The following TEP1 variants were observed in gnomAD, a reference collection of about 807,000 sequenced individuals.
TEP1 encodes telomerase associated protein 1.
Under a neutral mutation model 306.3 loss-of-function variants are expected in TEP1, and 241 were observed. That is an observed-to-expected ratio of 0.79 (90% CI 0.71 to 0.88). The LOEUF is 0.88. Ranked by LOEUF, TEP1 falls within the 40% of genes least tolerant of loss-of-function variation. The pLI is 0.00. For missense variants in TEP1, 3,051 were observed against 3,276.1 expected, an observed-to-expected ratio of 0.93 and a Z score of 1.68; for synonymous variants, 1,289 against 1,305.5, an observed-to-expected ratio of 0.99 and a Z score of 0.27.
intron 3 of TEP1, among the ~76,000 whole-genome samples, chr14:20,405,833 G>A (rs980788709): frequency 1.1e-4 from 17 of 152,170 alleles, no homozygotes; most frequent in African/African-American, 4.1e-4. Context: ...GGCCAACATG[G>A]CGAAATCCCA....
Position 20,372,670 on chromosome 14 carries a change from G to T in TEP1, c.7076+63C>A, listed in dbSNP as rs1021191343. ...TCAGAAGCAGAAGTGCAGTAATTTGGGTAAAATGCCAGGAGTGAGGAGACT... is the reference window on the plus strand; with the variant it reads ...TCAGAAGCAGAAGTGCAGTAATTTGTGTAAAATGCCAGGAGTGAGGAGACT... On this transcript the variant is annotated intron_variant, in intron 49 of 54. Coordinates refer to ENST00000262715, the MANE Select transcript of TEP1 (RefSeq NM_007110.5). The T allele has an allele frequency of 6.8e-6, 11 of 1,608,722 alleles. No homozygotes were observed. The East Asian group carries it at 2.2e-4, about 33-fold the overall frequency.
intron 54 of TEP1, 76 bp downstream of exon 54, chr14:20,368,721 TG>T (rs1216890452): frequency 6.5e-7 from 1 of 1,539,564 alleles, no homozygotes; most frequent in Non-Finnish European, 8.9e-7. Context: ...ACTCTAAGTT[TG>T]CTGTCTTGTG....
rs201340597 is a variant in TEP1 at position 20,391,671 on chromosome 14, T to C, written c.2025A>G (p.Pro675=). The C allele has an allele frequency of 1.7e-5, 28 of 1,614,094 alleles. No individual in the cohort carries two copies. Among genetic ancestry groups the C allele is most frequent in the Non-Finnish European group, 2.3e-5 (27 of 1,180,048 alleles). ...LSVKHSLPLL[P]GRTVLVYLTD... is the part of the protein sequence containing the mutation. The stretch of plus-strand genomic sequence containing the variant: ...TCAGATAGACCAAGACAGTGCGGCC[T>C]GGCAGCAGGGGCAGGCTGTGCTTCA... Residue 675 remains proline, a synonymous_variant, in exon 13 of 55, where the codon CCA becomes CCG. Transcript: ENST00000262715.
chr14:20,373,604 A>G, intron 45 of TEP1, 21 bp from the exon 46 acceptor site: 3 of 1,614,200 alleles, frequency 1.9e-6, no homozygotes, highest in Non-Finnish European at 2.5e-6. Flanking sequence ...ACAGAGACTG[A>G]GTCAGAAGAA....
chr14:20,389,538 C>T (rs1456964548), intron 16 of TEP1, 72 bp downstream of exon 16: 2 of 1,587,578 alleles, frequency 1.3e-6, no homozygotes, highest in Non-Finnish European at 1.7e-6. Context: ...GTGTCCTATG[C>T]TTTGGCAGGC....
At position 20,378,520 on chromosome 14, in the gene TEP1, G is replaced by A. The variant is rs373543585; in HGVS notation, c.5368C>T (p.Arg1790Cys). Residue 1790 changes from arginine (R) to cysteine (C), a missense_variant, in exon 38 of 55, where the codon CGT (arginine) becomes TGT (cysteine). Coordinates refer to ENST00000262715, the MANE Select transcript of TEP1 (RefSeq NM_007110.5). ...GGCLKLWDTV[R>C]GQLAFQHTYP... ...GTGTGCTGGAAGGCCAGCTGCCCACGGACTGTGTCCCACAGCTGAGGGAGA... is the reference window on the plus strand; with the variant it reads ...GTGTGCTGGAAGGCCAGCTGCCCACAGACTGTGTCCCACAGCTGAGGGAGA... 3.2e-5 allele frequency: 51 copies of A among 1,614,072 alleles called. No homozygotes were observed. The African/African-American group carries it at 3.9e-4, about 12-fold the overall frequency.
intron 43 of TEP1, 107 bp from the exon 44 acceptor site, chr14:20,374,643 G>T: frequency 1.5e-6 from 1 of 646,660 alleles, no homozygotes; most frequent in Non-Finnish European, 2.6e-6. Flanking sequence ...TAAGGGCCTG[G>T]GTTCTCCTGG....
At position 20,401,017 on chromosome 14, in the gene TEP1, C is replaced by T. The variant is rs1321807713; in HGVS notation, c.1516G>A (p.Gly506Arg). The T allele has an allele frequency of 3.1e-6, 5 of 1,614,058 alleles. No individual in the cohort carries two copies. The Admixed American group carries it at 8.3e-5, about 27-fold the overall frequency. The change falls in exon 9 of 55, where the codon GGG becomes AGG. Residue 506 changes from glycine (G) to arginine (R), a missense_variant. This residue lies in a region of TEP1 where 1,507 missense variants were observed against 1,550.5 expected (regional missense o/e 0.97). Coordinates refer to ENST00000262715, the MANE Select transcript of TEP1 (RefSeq NM_007110.5). ...ETWERELSLRGNKASVWEELI... is the reference protein window; with the variant it reads ...ETWERELSLRRNKASVWEELI... ...TCCTCCCAGACCGACGCTTTGTTCC[C>T]CCGTAGGCTCAGCTCCCGCTCCCAG...
At chr14:20,389,472 C>T (rs533292048) in intron 16 of TEP1, 138 bp downstream of exon 16, 1 of 1,462,110 alleles carries the variant, frequency 6.8e-7, no homozygotes, top group South Asian at 1.3e-5. Context: ...AAAGTATCCA[C>T]CTGAAGTGCA....
At chr14:20,379,554 C>T (rs973352648) in intron 35 of TEP1, among the ~76,000 whole-genome samples, 1 of 152,222 alleles carries the variant, frequency 6.6e-6, no homozygotes, top group Non-Finnish European at 1.5e-5. Flanking sequence ...ACAAGAGTGC[C>T]TGCCCTTCTC....
In TEP1 at chr14:20,371,637, C is replaced by T. The variant is rs572227783; in HGVS notation, c.7077-5G>A. ...AGAATTCGGTTCAGGTGAAGACTAG[C>T]TCAAAAAAGTACATGGACAGAGAAA... On this transcript the variant is annotated splice_region_variant and splice_polypyrimidine_tract_variant and intron_variant, in intron 49 of 54. Coordinates refer to ENST00000262715, the MANE Select transcript of TEP1 (RefSeq NM_007110.5). 53 of 1,566,376 alleles carry T rather than the reference C, an allele frequency of 3.4e-5. 1 individual carries two copies. Among genetic ancestry groups the T allele is most frequent in the South Asian group, 1.9e-4 (16 of 82,516 alleles).
chr14:20,410,802 GTT>G (rs61662364), intron 1 of TEP1, among the ~76,000 whole-genome samples: 68 of 25,190 alleles, frequency 2.7e-3, no homozygotes, highest in African/African-American at 6.4e-3. Flanking sequence ...CTCCTTTGTG[GTT>G]TTTTTTTTTT....
intron 41 of TEP1, 54 bp downstream of exon 41, chr14:20,377,226 A>AC: frequency 1.4e-6 from 2 of 1,446,370 alleles, no homozygotes; most frequent in Admixed American, 2.3e-5. Flanking sequence ...AAAAAAAAAA[A>AC]AAAGAAAAGA....
At position 20,368,389 on chromosome 14, in the gene TEP1, T is replaced by A; in HGVS notation, c.*48A>T. 1.3e-6 allele frequency: 2 copies of A among 1,593,444 alleles called. No homozygotes were observed. Among genetic ancestry groups the A allele is most frequent in the Non-Finnish European group, 1.7e-6 (2 of 1,163,674 alleles). On this transcript the variant is annotated 3_prime_UTR_variant, in exon 55 of 55. Transcript: ENST00000262715. Reference sequence around the variant, plus strand: ...TTAAAAGCTACCAGTGTCTTCAGGCTTTGCATCTCTAGCACAAGGGGTATC... The same window carrying A: ...TTAAAAGCTACCAGTGTCTTCAGGCATTGCATCTCTAGCACAAGGGGTATC...
rs368058247 is a variant in TEP1 at position 20,396,026 on chromosome 14, C to T, written c.1660-77G>A. 83 of 1,075,140 alleles carry T rather than the reference C, an allele frequency of 7.7e-5. 1 individual carries two copies. In the South Asian group the frequency reaches 1.1e-3, roughly 14 times the overall value. The allele number at this position is 1,075,140 out of a possible 1,614,324, so 66.6% of individuals were successfully genotyped here. On this transcript the variant is annotated intron_variant, in intron 10 of 54. Transcript: ENST00000262715. ...GGGCTTCAGGGGTCCACTCTATTAGCTTTGTGGGAAGGTACAGAAGGACAA... is the reference window on the plus strand; with the variant it reads ...GGGCTTCAGGGGTCCACTCTATTAGTTTTGTGGGAAGGTACAGAAGGACAA...
rs770605183 is a variant in TEP1, at chr14:20,383,638, C to G, written c.3717G>C (p.Leu1239=). The part of the protein sequence containing the change: ...PGALPSTYRS[L]VWELQQRLLP... ...GCAGCCTCTGCTGCAGCTCCCACAC[C>G]AGGCTTCTGTACATGGAGAGGAAGT... Residue 1239 remains leucine (L), a synonymous_variant, in exon 26 of 55, where the codon CTG becomes CTC. Transcript: ENST00000262715. 12 of 1,613,218 alleles carry G rather than the reference C, an allele frequency of 7.4e-6. No homozygotes were observed. The highest frequency in any genetic ancestry group is 1.3e-5 in the African/African-American group (1 of 74,896).
chr14:20,387,932 C>T lies in TEP1; in HGVS notation c.2657G>A (p.Ser886Asn). Reference protein sequence around the residue: ...SLRPLEEDTPSPLAPVSQQGW... With the variant: ...SLRPLEEDTPNPLAPVSQQGW... ...TTGCTGGGAAACAGGAGCCAAGGGG[C>T]TTGGAGTGTCCTCTTCCAGTGGCCG... Residue 886 changes from serine to asparagine, a missense_variant, in exon 18 of 55, where the codon AGC becomes AAC. By Grantham distance (46) the Ser-to-Asn change is conservative (BLOSUM62 1). Transcript: ENST00000262715. 1.9e-6 allele frequency: 3 copies of T among 1,613,318 alleles called. No homozygotes were observed. Among genetic ancestry groups the T allele is most frequent in the African/African-American group, 1.3e-5 (1 of 75,010 alleles).
Position 20,380,310 on chromosome 14 carries a change from A to G in TEP1, c.4928T>C (p.Leu1643Pro). The G allele has an allele frequency of 6.2e-7, 1 of 1,614,178 alleles. No individual in the cohort carries two copies. ...TTGGAGGTGCCATCTCCGGGAGAGCAGCGAGGCTTGGTGGCAAAGAGGTGA... is the reference window on the plus strand; with the variant it reads ...TTGGAGGTGCCATCTCCGGGAGAGCGGCGAGGCTTGGTGGCAAAGAGGTGA... ...LDSPLCHQAS[L>P]LSRRWHLQHT... The change falls in exon 34 of 55, where the codon CTG becomes CCG. Residue 1643 changes from leucine (L) to proline (P), a missense_variant. Leu to Pro is a moderately conservative substitution (Grantham distance 98). Transcript: ENST00000262715.
In TEP1 at chr14:20,403,617, G is replaced by C. The variant is rs895735802; in HGVS notation, c.1194+106C>G. Reference sequence around the variant, plus strand: ...CTACCCAGCTCCCCTGCATTTCTCTGACTCCCTTTGCTCCTGGTGTGGGAC... The same window carrying C: ...CTACCCAGCTCCCCTGCATTTCTCTCACTCCCTTTGCTCCTGGTGTGGGAC... On this transcript the variant is annotated intron_variant, in intron 6 of 54. Coordinates refer to ENST00000262715, the MANE Select transcript of TEP1 (RefSeq NM_007110.5). 19 of 1,590,014 alleles carry C rather than the reference G, an allele frequency of 1.2e-5. No individual in the cohort carries two copies. In the Admixed American group the frequency reaches 3.3e-4, roughly 27 times the overall value.
Sources: gnomAD v4.1 joint callset for allele counts (sites outside exome capture counted in the v4.1 genomes callset) on GRCh38, gnomAD v4.1.1 for gene constraint, gnomAD v4.1.1 regional missense constraint, MANE v1.5 for transcripts, NCBI Gene and HGNC (gene_info 2026-07-23, HGNC 2026-07-21) for gene names.